The following CHST11 variants were observed in gnomAD, a reference collection of about 807,000 sequenced individuals.
The protein encoded by CHST11 is carbohydrate sulfotransferase 11, also known as C4S-1.
CHST11 carries 9 observed loss-of-function variants against 30.4 expected under a neutral mutation model. That is an observed-to-expected ratio of 0.30 (90% confidence interval 0.18 to 0.52). The LOEUF is 0.52. Among genes scored for constraint, CHST11 ranks in the 20% least tolerant of loss-of-function variants. The pLI, the probability that CHST11 is intolerant of heterozygous loss-of-function variation, is 0.97. For missense variants in CHST11, 348 were observed against 460.6 expected (o/e 0.76, Z 2.24); for synonymous variants, 152 against 187.8 (o/e 0.81, Z 1.56).
At chr12:104,513,269 A>G (rs2037988110) in intron 1 of CHST11, among the ~76,000 whole-genome samples, 1 of 152,072 alleles carries the variant, frequency 6.6e-6, no homozygotes, top group Non-Finnish European at 1.5e-5. Context: ...ACTGGTTGCA[A>G]TAATTTCAGA....
At chr12:104,670,623 G>A (rs117998831) in intron 2 of CHST11, among the ~76,000 whole-genome samples, 3,274 of 133,088 alleles carry the variant, frequency 0.025, 117 homozygotes, top group East Asian at 0.21. Flanking sequence ...CCATACACAC[G>A]CACTCACACT....
intron 1 of CHST11, among the ~76,000 whole-genome samples, chr12:104,554,124 A>G (rs1429439174): frequency 2.0e-5 from 3 of 152,198 alleles, no homozygotes; most frequent in South Asian, 4.1e-4. Context: ...TAATGTAATC[A>G]TGGAAGCAAT....
At chr12:104,703,380 C>A (rs1271143294) in intron 2 of CHST11, among the ~76,000 whole-genome samples, 1 of 152,198 alleles carries the variant, frequency 6.6e-6, no homozygotes, top group Non-Finnish European at 1.5e-5. Flanking sequence ...CTGGTCTTTT[C>A]AGGGTAAAAT....
At position 104,675,866 on chromosome 12, in the gene CHST11, G is replaced by C. The variant is rs1434375523; in HGVS notation, c.204+73875G>C. 5.9e-5 allele frequency among the ~76,000 whole-genome samples: 9 copies of C among 152,274 alleles called. No homozygotes were observed. The East Asian group carries it at 1.7e-3, about 29-fold the overall frequency. On this transcript the variant is annotated intron_variant, in intron 2 of 2. Coordinates refer to ENST00000303694, the MANE Select transcript of CHST11 (RefSeq NM_018413.6). ...GATTCCTTCAAGGACTCTGACAGAG[G>C]TACACCCCTGTTTTGTGGATGAGGA...
At chr12:104,728,304 G>A (rs1414921849) in intron 2 of CHST11, among the ~76,000 whole-genome samples, 1 of 152,156 alleles carries the variant, frequency 6.6e-6, no homozygotes, top group East Asian at 1.9e-4. Flanking sequence ...AGCAAAGCCC[G>A]GAGGAGCATG....
chr12:104,608,682 T>A (rs929266498), intron 2 of CHST11, among the ~76,000 whole-genome samples: 3 of 152,198 alleles, frequency 2.0e-5, no homozygotes, highest in Admixed American at 2.0e-4. Context: ...CATAACCCAT[T>A]ATGTGAAAAG....
At chr12:104,480,768 G>A (rs1012659387) in intron 1 of CHST11, among the ~76,000 whole-genome samples, 14 of 152,126 alleles carry the variant, frequency 9.2e-5, no homozygotes, top group Admixed American at 2.6e-4. Flanking sequence ...GAAGCTGGAA[G>A]AAACAAGAAA....
chr12:104,571,317 C>A (rs2038623857), intron 1 of CHST11, among the ~76,000 whole-genome samples: 1 of 152,152 alleles, frequency 6.6e-6, no homozygotes, highest in South Asian at 2.1e-4. Context: ...GCATGTGCCA[C>A]CATGCCTGGC....
intron 1 of CHST11, among the ~76,000 whole-genome samples, chr12:104,471,452 C>G (rs1217314355): frequency 1.3e-5 from 2 of 152,156 alleles, no homozygotes; most frequent in Non-Finnish European, 2.9e-5. Context: ...AAGAACAACC[C>G]CTTTTATACC....
chr12:104,483,413 C>G (rs1376401345), intron 1 of CHST11, among the ~76,000 whole-genome samples: 1 of 152,150 alleles, frequency 6.6e-6, no homozygotes, highest in East Asian at 1.9e-4. Flanking sequence ...GCCATGTTGG[C>G]CAAGCTGGTC....
intron 1 of CHST11, among the ~76,000 whole-genome samples, chr12:104,520,780 A>C (rs907153994): frequency 6.6e-6 from 1 of 152,150 alleles, no homozygotes; most frequent in Non-Finnish European, 1.5e-5. Flanking sequence ...CCTTGAGGGC[A>C]CTTGGCCTTT....
chr12:104,625,791 C>G (rs2039208746), intron 2 of CHST11, among the ~76,000 whole-genome samples: 1 of 152,196 alleles, frequency 6.6e-6, no homozygotes, highest in Admixed American at 6.5e-5. Context: ...TCATTTTCTT[C>G]CCTGTCTTCT....
intron 1 of CHST11, among the ~76,000 whole-genome samples, chr12:104,494,567 C>T (rs2037781227): frequency 6.6e-6 from 1 of 152,210 alleles, no homozygotes; most frequent in Non-Finnish European, 1.5e-5. Flanking sequence ...CACAAAACTT[C>T]TCTGATCTTG....
chr12:104,710,613 G>A (rs1298096258), intron 2 of CHST11, among the ~76,000 whole-genome samples: 2 of 152,082 alleles, frequency 1.3e-5, no homozygotes, highest in African/African-American at 4.8e-5. Context: ...GAAGGTCTGG[G>A]AGGGCCAGCT....
chr12:104,593,441 A>C (rs2038879318), intron 1 of CHST11, among the ~76,000 whole-genome samples: 1 of 152,236 alleles, frequency 6.6e-6, no homozygotes. Context: ...ATGACAGGTT[A>C]GGCTGAACCC....
At chr12:104,545,850 G>C (rs951611630) in intron 1 of CHST11, among the ~76,000 whole-genome samples, 1 of 151,876 alleles carries the variant, frequency 6.6e-6, no homozygotes, top group Non-Finnish European at 1.5e-5. Flanking sequence ...TTTAAAAGCA[G>C]CATCTCACTT....
chr12:104,708,390 G>A (rs559545362), intron 2 of CHST11, among the ~76,000 whole-genome samples: 2 of 152,220 alleles, frequency 1.3e-5, no homozygotes, highest in Admixed American at 1.3e-4. Context: ...TTCCCTGCAG[G>A]TGTGTGGGAC....
chr12:104,585,472 C>G (rs1317749618), intron 1 of CHST11, among the ~76,000 whole-genome samples: 1 of 152,222 alleles, frequency 6.6e-6, no homozygotes, highest in Non-Finnish European at 1.5e-5. Flanking sequence ...GAAATGGGAA[C>G]TAATTATGGC....
At chr12:104,599,406 A>G (rs1348946929) in intron 1 of CHST11, among the ~76,000 whole-genome samples, 1 of 152,240 alleles carries the variant, frequency 6.6e-6, no homozygotes, top group Non-Finnish European at 1.5e-5. Context: ...CTGCCGCCAT[A>G]GGGAGAATTT....
Sources: allele counts gnomAD v4.1 joint callset (sites outside exome capture counted in the v4.1 genomes callset), GRCh38; gene constraint gnomAD v4.1.1; transcripts MANE v1.5; gene names NCBI Gene and HGNC (gene_info 2026-07-23, HGNC 2026-07-21).